ZNF248: variants seen among roughly 807,000 people sequenced by gnomAD.
The protein encoded by ZNF248 is KRAB protein domain.
A neutral mutation model predicts 44.3 loss-of-function variants in ZNF248; 20 were observed. The ratio of observed to expected loss-of-function variants is 0.45; its 90% CI spans 0.32 to 0.66. The LOEUF (loss-of-function observed/expected upper bound fraction) is 0.66, where lower values mean the gene tolerates loss of function less well. Ranked by LOEUF, ZNF248 falls within the 30% of genes least tolerant of loss-of-function variation. The pLI, the probability that ZNF248 is intolerant of heterozygous loss-of-function variation, is 0.04. For missense variants in ZNF248, 654 were observed against 677.0 expected (o/e 0.97, Z 0.38); for synonymous variants, 224 against 229.0 (o/e 0.98, Z 0.20).
downstream of ZNF248, among the ~76,000 whole-genome samples, chr10:37,825,217 T>C (rs2054187001): frequency 6.6e-6 from 1 of 152,188 alleles, no homozygotes; most frequent in African/African-American, 2.4e-5. Flanking sequence ...CATGACTAGC[T>C]ATTATAAAAT....
At chr10:37,833,189 T>C (rs1021968264) in intron 5 of ZNF248, 73 bp from the exon 6 acceptor site, 1 of 1,504,092 alleles carries the variant, frequency 6.6e-7, no homozygotes, top group African/African-American at 1.4e-5. Context: ...TTTACACAAA[T>C]GCACTATCAT....
chr10:37,766,266 C>A, the ZNF248 span, among the ~76,000 whole-genome samples: 3 of 152,228 alleles, frequency 2.0e-5, no homozygotes, highest in African/African-American at 7.2e-5. Context: ...AGTAGTGGTT[C>A]TCCCAGCACG....
At chr10:37,801,289 T>C (rs2049791995) in intron 6 of ZNF248, among the ~76,000 whole-genome samples, 1 of 151,682 alleles carries the variant, frequency 6.6e-6, no homozygotes, top group East Asian at 2.0e-4. Context: ...GGCACGAGAA[T>C]CCCTTGAACC....
chr10:37,808,420 T>A (rs915860454), intron 6 of ZNF248, among the ~76,000 whole-genome samples: 5 of 151,910 alleles, frequency 3.3e-5, no homozygotes, highest in African/African-American at 1.2e-4. Context: ...GTAGCTGGGA[T>A]TACAAGCACA....
chr10:37,795,700 A>G (rs1175647088), intron 6 of ZNF248: 1 of 152,176 alleles, frequency 6.6e-6, no homozygotes, highest in Non-Finnish European at 1.5e-5. Flanking sequence ...CACTTCCCAC[A>G]TATATCACAT....
chr10:37,829,662 G>A lies in ZNF248; in HGVS notation c.*1953C>T. On this transcript the variant is annotated 3_prime_UTR_variant, in exon 6 of 6. Coordinates refer to ENST00000395867, the MANE Select transcript of ZNF248 (RefSeq NM_021045.3). ...CCTCTGAGCTGGCTTTTCCCACCTTGTGCACTGTTATCTTCAGGCTACTGC... is the reference window on the plus strand; with the variant it reads ...CCTCTGAGCTGGCTTTTCCCACCTTATGCACTGTTATCTTCAGGCTACTGC... The A allele has an allele frequency of 1.0e-6, 1 of 985,388 alleles. No homozygotes were observed. Among genetic ancestry groups the A allele is most frequent in the Non-Finnish European group, 1.2e-6 (1 of 829,926 alleles). The allele number at this position is 985,388 out of a possible 1,614,324, so 61.0% of individuals were successfully genotyped here. A position where few individuals can be genotyped will look rare whatever the true frequency, so the allele number is the denominator to read the frequency against.
rs1008300829 is a variant in ZNF248 at position 37,830,509 on chromosome 10, T to C, written c.*1106A>G. The C allele has an allele frequency of 3.0e-5, 30 of 985,350 alleles. No homozygotes were observed. The highest frequency in any genetic ancestry group is 3.6e-5 in the Non-Finnish European group (30 of 829,944). The allele number at this position is 985,350 out of a possible 1,614,324, so 61.0% of individuals were successfully genotyped here. On this transcript the variant is annotated 3_prime_UTR_variant, in exon 6 of 6. Transcript: ENST00000395867. ...CACGGAAATATTTTTGGCTTCTTTCTTGAAGACGTGGTTCAGCTGTAAATG... is the reference window on the plus strand; with the variant it reads ...CACGGAAATATTTTTGGCTTCTTTCCTGAAGACGTGGTTCAGCTGTAAATG...
intron 6 of ZNF248, among the ~76,000 whole-genome samples, chr10:37,809,076 C>A (rs1252768239): frequency 6.6e-6 from 1 of 151,788 alleles, no homozygotes; most frequent in Non-Finnish European, 1.5e-5. Context: ...TATTTATATC[C>A]CTGTCTTCAT....
At chr10:37,846,122 C>G (rs2059278999) in intron 3 of ZNF248, among the ~76,000 whole-genome samples, 1 of 152,198 alleles carries the variant, frequency 6.6e-6, no homozygotes. Context: ...TAGGCGTTAA[C>G]CACCTAATTC....
At chr10:37,765,544 T>C in the ZNF248 span, among the ~76,000 whole-genome samples, 2 of 152,344 alleles carry the variant, frequency 1.3e-5, no homozygotes, top group South Asian at 4.1e-4. Flanking sequence ...TCAGATTTCA[T>C]TTAGCATGGT....
At chr10:37,814,056 CT>C (rs1409289659) in intron 6 of ZNF248, among the ~76,000 whole-genome samples, 1 of 152,066 alleles carries the variant, frequency 6.6e-6, no homozygotes, top group African/African-American at 2.4e-5. Flanking sequence ...TATCATTGCG[CT>C]TTTGTTTTCT....
intron 6 of ZNF248, among the ~76,000 whole-genome samples, chr10:37,816,499 A>G (rs2052489722): frequency 6.6e-6 from 1 of 152,188 alleles, no homozygotes; most frequent in African/African-American, 2.4e-5. Context: ...TCCTACAGGA[A>G]CAGCTTCTGA....
At chr10:37,801,107 T>A (rs2049761389) in intron 6 of ZNF248, among the ~76,000 whole-genome samples, 1 of 151,508 alleles carries the variant, frequency 6.6e-6, no homozygotes, top group African/African-American at 2.4e-5. Flanking sequence ...CTGGGCACAG[T>A]GGCTCACGCC....
downstream of ZNF248, among the ~76,000 whole-genome samples, chr10:37,828,528 T>C (rs958130398): frequency 6.6e-6 from 1 of 152,170 alleles, no homozygotes; most frequent in Non-Finnish European, 1.5e-5. Flanking sequence ...CTGGCCTATT[T>C]TACAACAAAC....
chr10:37,825,897 G>GAA (rs34044220), downstream of ZNF248, among the ~76,000 whole-genome samples: 587 of 140,814 alleles, frequency 4.2e-3, 2 homozygotes, highest in African/African-American at 0.014. Context: ...GTCTGCAGGT[G>GAA]AAAAAAAAAA....
At chr10:37,793,778 C>T (rs912354569) in intron 6 of ZNF248, among the ~76,000 whole-genome samples, 2 of 152,120 alleles carry the variant, frequency 1.3e-5, no homozygotes, top group African/African-American at 2.4e-5. Context: ...CCTACTTTTC[C>T]GTGTATATAT....
intron 3 of ZNF248, among the ~76,000 whole-genome samples, chr10:37,838,447 G>A (rs537538116): frequency 1.3e-5 from 2 of 152,326 alleles, no homozygotes; most frequent in African/African-American, 4.8e-5. Flanking sequence ...TGAAGTTACA[G>A]AGGAAATATT....
chr10:37,857,561 T>A lies in ZNF248; in HGVS notation c.-502A>T, dbSNP rs984437929. On this transcript the variant is annotated 5_prime_UTR_variant, in exon 1 of 6. Transcript: ENST00000395867. ...ACCGAGTCTCCCGTGGATAATTGTGTCTAATTCATTTGTCGCGGACCTGGC... is the reference window on the plus strand; with the variant it reads ...ACCGAGTCTCCCGTGGATAATTGTGACTAATTCATTTGTCGCGGACCTGGC... 6.6e-6 allele frequency: 1 copy of A among 152,252 alleles called. No homozygotes were observed. The highest frequency in any genetic ancestry group is 2.4e-5 in the African/African-American group (1 of 41,448). 9.4% of individuals were successfully genotyped at this position (152,252 alleles called of 1,614,324 possible). A position where few individuals can be genotyped will look rare whatever the true frequency, so the allele number is the denominator to read the frequency against.
chr10:37,763,779 T>C, the ZNF248 span, among the ~76,000 whole-genome samples: 3 of 152,228 alleles, frequency 2.0e-5, no homozygotes, highest in Non-Finnish European at 4.4e-5. Flanking sequence ...CCCAAATTAA[T>C]ACTTTTATAA....
Sources: gnomAD v4.1 joint callset for allele counts (sites outside exome capture counted in the v4.1 genomes callset) on GRCh38, gnomAD v4.1.1 for gene constraint, MANE v1.5 for transcripts, NCBI Gene and HGNC (gene_info 2026-07-23, HGNC 2026-07-21) for gene names.